Variants in STEAP2 observed in about 807,000 individuals in gnomAD.
STEAP2 encodes the protein metalloreductase STEAP2.
STEAP2 carries 30 observed loss-of-function variants against 46.4 expected under a neutral mutation model. That is an observed-to-expected ratio of 0.65 (90% CI 0.48 to 0.88). The LOEUF is 0.88. STEAP2 is among the 40% of genes least tolerant of loss of function. STEAP2 has a pLI of 0.00. For missense variants in STEAP2, 513 were observed against 579.3 expected (o/e 0.89, Z 1.18); for synonymous variants, 180 against 200.5 (o/e 0.90, Z 0.86).
At chr7:90,231,415 A>C (rs1028043177) in intron 5 of STEAP2, among the ~76,000 whole-genome samples, 5 of 151,850 alleles carry the variant, frequency 3.3e-5, no homozygotes, top group Admixed American at 6.6e-5. Context: ...ATGTATTAAC[A>C]GTGATGTGTT....
chr7:90,212,328 T>G (rs1216160677), intron 1 of STEAP2: 1 of 152,702 alleles, frequency 6.5e-6, no homozygotes, highest in Non-Finnish European at 1.5e-5. Flanking sequence ...CAAGGAGACA[T>G]TGTCCCAGGT....
intron 5 of STEAP2, 38 bp downstream of exon 5, chr7:90,230,074 T>C (rs1257740500): frequency 1.9e-6 from 3 of 1,588,212 alleles, no homozygotes; most frequent in Non-Finnish European, 2.6e-6. Flanking sequence ...TTGTGCAGGA[T>C]AGGATTTCCT....
At position 90,233,333 on chromosome 7, in the gene STEAP2, A is replaced by G. The variant is rs1795835838; in HGVS notation, c.*709A>G. 1.0e-6 allele frequency: 1 copy of G among 983,624 alleles called. No homozygotes were observed. Among genetic ancestry groups the G allele is most frequent in the Non-Finnish European group, 1.2e-6 (1 of 828,426 alleles). The allele number at this position is 983,624 out of a possible 1,614,324, so 60.9% of individuals were successfully genotyped here. A position where few individuals can be genotyped will look rare whatever the true frequency, so the allele number is the denominator to read the frequency against. The stretch of plus-strand genomic sequence containing the variant: ...ACAGAGCAGTTTCATTTTCATATTA[A>G]TATACTGATCAGGAAGAGGATTCAG... On this transcript the variant is annotated 3_prime_UTR_variant, in exon 6 of 6. Transcript: ENST00000394621.
intron 1 of STEAP2, among the ~76,000 whole-genome samples, chr7:90,214,735 G>A (rs1794949187): frequency 6.6e-6 from 1 of 152,186 alleles, no homozygotes; most frequent in African/African-American, 2.4e-5. Context: ...TAGAGAGGTA[G>A]AGGTCAACGG....
intron 4 of STEAP2, 132 bp from the exon 5 acceptor site, chr7:90,229,736 GGTTT>G (rs1795657729): frequency 7.4e-7 from 1 of 1,356,410 alleles, no homozygotes; most frequent in Admixed American, 2.9e-5. Context: ...TCTCTGTAAT[GGTTT>G]GTTAGACTAA....
intron 1 of STEAP2, among the ~76,000 whole-genome samples, chr7:90,215,113 G>A (rs1193137842): frequency 6.6e-6 from 1 of 152,148 alleles, no homozygotes; most frequent in East Asian, 1.9e-4. Flanking sequence ...CTTCAAAGGA[G>A]CTGGGTGTTT....
At chr7:90,239,434 C>T (rs985164431), downstream of STEAP2, among the ~76,000 whole-genome samples, 14 of 152,140 alleles carry the variant, frequency 9.2e-5, no homozygotes, top group African/African-American at 2.9e-4. Context: ...CAGCAGTCTT[C>T]AAAAACTAAT....
At chr7:90,221,871 C>G (rs1372145132) in intron 2 of STEAP2, among the ~76,000 whole-genome samples, 1 of 152,166 alleles carries the variant, frequency 6.6e-6, no homozygotes, top group Non-Finnish European at 1.5e-5. Flanking sequence ...TTTGAACTTG[C>G]TTTGTAAAAT....
intron 5 of STEAP2, among the ~76,000 whole-genome samples, chr7:90,230,482 G>A (rs1338927910): frequency 6.6e-6 from 1 of 151,900 alleles, no homozygotes; most frequent in East Asian, 1.9e-4. Flanking sequence ...AGAAATGTGT[G>A]TATATATACA....
intron 1 of STEAP2, among the ~76,000 whole-genome samples, chr7:90,212,817 GCCCCAC>G (rs906830927): frequency 1.5e-5 from 2 of 135,978 alleles, no homozygotes; most frequent in Non-Finnish European, 3.2e-5. Context: ...TCAGACTCCT[GCCCCAC>G]CCCCACCCCC....
At chr7:90,222,939 A>G (rs531639462) in intron 2 of STEAP2, among the ~76,000 whole-genome samples, 1 of 152,284 alleles carries the variant, frequency 6.6e-6, no homozygotes, top group South Asian at 2.1e-4. Flanking sequence ...GAAATTGTGC[A>G]ATGAGGGTAG....
chr7:90,234,698 C>T lies in STEAP2; in HGVS notation c.*2074C>T. The T allele has an allele frequency of 6.7e-6, 3 of 449,106 alleles. No individual in the cohort carries two copies. Among genetic ancestry groups the T allele is most frequent in the Non-Finnish European group, 8.8e-6 (3 of 340,208 alleles). 27.8% of individuals were successfully genotyped at this position (449,106 alleles called of 1,614,324 possible). On this transcript the variant is annotated 3_prime_UTR_variant, in exon 6 of 6. Transcript: ENST00000394621. ...CCCGAGTAGCTGGGACTACAGGTGC[C>T]CGCCACCATGCCCGGCTGATTTCTT...
the STEAP2 span, among the ~76,000 whole-genome samples, chr7:90,243,390 A>C: frequency 9.3e-4 from 141 of 152,336 alleles, no homozygotes; most frequent in African/African-American, 3.1e-3. Flanking sequence ...TAAAAGAGTT[A>C]GAGTTTTTTA....
In STEAP2 at chr7:90,226,993, T is replaced by C. The variant is rs762581573; in HGVS notation, c.515T>C (p.Ile172Thr). 5 of 1,600,124 alleles carry C rather than the reference T, an allele frequency of 3.1e-6. 1 individual carries two copies. The highest frequency in any genetic ancestry group is 2.3e-5 in the South Asian group (2 of 88,176). ...SRQVYICSNN[I>T]QARQQVIELA... ...CAGGTTTATATATGCAGCAACAATA[T>C]TCAAGCGCGACAACAGGTTATTGAA... is the stretch of plus-strand genomic sequence containing the variant. Residue 172 changes from isoleucine (I) to threonine (T), a missense_variant, in exon 4 of 6, where the codon ATT becomes ACT. By Grantham distance (89) the Ile-to-Thr change is moderately conservative (BLOSUM62 -1). Coordinates refer to ENST00000394621, the MANE Select transcript of STEAP2 (RefSeq NM_001244944.2).
intron 2 of STEAP2, among the ~76,000 whole-genome samples, chr7:90,218,805 T>C (rs1219466569): frequency 6.6e-6 from 1 of 152,206 alleles, no homozygotes; most frequent in African/African-American, 2.4e-5. Context: ...TCTAATTCTA[T>C]GAAAAATCAC....
Position 90,232,335 on chromosome 7 carries a change from A to G in STEAP2, c.1186-2A>G. On this transcript the variant is annotated splice_acceptor_variant, in intron 5 of 5. Coordinates refer to ENST00000394621, the MANE Select transcript of STEAP2 (RefSeq NM_001244944.2). LOFTEE classifies it high-confidence loss of function. ...TTCTTTTCCTTCCTCTCCTGGCCCA[A>G]GTCTACACTTGGATATGTCGCTCTG... The G allele has an allele frequency of 6.3e-7, 1 of 1,585,994 alleles. No individual in the cohort carries two copies. Among genetic ancestry groups the G allele is most frequent in the Non-Finnish European group, 8.6e-7 (1 of 1,164,224 alleles).
chr7:90,242,004 G>T (rs538697793), downstream of STEAP2, among the ~76,000 whole-genome samples: 2 of 152,154 alleles, frequency 1.3e-5, no homozygotes, highest in African/African-American at 2.4e-5. Context: ...ACCCAAGATG[G>T]CTGGCTGTGG....
In STEAP2 at chr7:90,213,272, C is replaced by G. The variant is rs548617111; in HGVS notation, c.-147+1227C>G. Among the ~76,000 whole-genome samples, 5 of 152,222 alleles carry G rather than the reference C, an allele frequency of 3.3e-5. No individual in the cohort carries two copies. The South Asian group carries it at 1.0e-3, about 32-fold the overall frequency. On this transcript the variant is annotated intron_variant, in intron 1 of 5. Coordinates refer to ENST00000394621, the MANE Select transcript of STEAP2 (RefSeq NM_001244944.2). ...TTTATCCAAGTCACTTTTTATTGTA[C>G]TGGTGCTATGGAAAATGTGGTGAAT...
At chr7:90,216,885 T>G (rs1795043255) in intron 2 of STEAP2, among the ~76,000 whole-genome samples, 1 of 152,180 alleles carries the variant, frequency 6.6e-6, no homozygotes, top group Non-Finnish European at 1.5e-5. Flanking sequence ...TTTTAAAACT[T>G]GCCAGGTCAT....
Sources: allele counts gnomAD v4.1 joint callset (sites outside exome capture counted in the v4.1 genomes callset), GRCh38; gene constraint gnomAD v4.1.1; transcripts MANE v1.5; gene names NCBI Gene and HGNC (gene_info 2026-07-23, HGNC 2026-07-21).